The following WDR35 variants were observed in gnomAD, a reference collection of about 807,000 sequenced individuals.
WDR35 encodes the protein WD repeat domain 35, also known as WD repeat-containing protein 35.
A neutral mutation model predicts 158.3 loss-of-function variants in WDR35; 118 were observed. The ratio of observed to expected loss-of-function variants is 0.75; its 90% CI spans 0.64 to 0.87. The LOEUF (loss-of-function observed/expected upper bound fraction) is 0.87. Ranked by LOEUF, WDR35 falls within the 40% of genes least tolerant of loss-of-function variation. WDR35 has a pLI of 0.00. For missense variants in WDR35, 1,263 were observed against 1,405.8 expected (o/e 0.90, Z 1.62); for synonymous variants, 448 against 476.1 (o/e 0.94, Z 0.77).
chr2:19,944,129 A>C (rs532860505), intron 16 of WDR35, among the ~76,000 whole-genome samples: 1 of 152,222 alleles, frequency 6.6e-6, no homozygotes, highest in South Asian at 2.1e-4. Context: ...CAGAGTAGCT[A>C]AACCAGCTGC....
chr2:19,974,806 G>A (rs933383832), intron 6 of WDR35, among the ~76,000 whole-genome samples, 173 bp from the exon 7 acceptor site: 3 of 152,112 alleles, frequency 2.0e-5, no homozygotes, highest in Admixed American at 6.5e-5. Context: ...TCACCTAAAT[G>A]TCCATTTTCC....
chr2:19,968,690 G>A (rs1404800297), intron 9 of WDR35, among the ~76,000 whole-genome samples: 1 of 152,050 alleles, frequency 6.6e-6, no homozygotes, highest in African/African-American at 2.4e-5. Context: ...CCTAGAATCA[G>A]CCATTTCTCT....
At chr2:19,975,737 C>A in intron 5 of WDR35, 74 bp from the exon 6 acceptor site, 1 of 1,590,896 alleles carries the variant, frequency 6.3e-7, no homozygotes, top group Non-Finnish European at 8.6e-7. Context: ...CTTTGTTTTT[C>A]TAAAGATCTC....
chr2:19,948,625 C>T (rs1488272727), intron 13 of WDR35, among the ~76,000 whole-genome samples: 1 of 152,150 alleles, frequency 6.6e-6, no homozygotes, highest in African/African-American at 2.4e-5. Flanking sequence ...TGTAAGAAGG[C>T]ATTGCACTGC....
Position 19,963,194 on chromosome 2 carries a change from G to A in WDR35, c.1195-2580C>T, listed in dbSNP as rs78407611. Among the ~76,000 whole-genome samples, 20 of 152,062 alleles carry A rather than the reference G, an allele frequency of 1.3e-4. No individual in the cohort carries two copies. In the East Asian group the frequency reaches 2.9e-3, roughly 22 times the overall value. ...TCTCTATTTTTAATACCATTTTGTC[G>A]GATCAGAATTTAGGGTTCAGTATGT... is the stretch of plus-strand genomic sequence containing the variant. On this transcript the variant is annotated intron_variant, in intron 10 of 26. Coordinates refer to ENST00000281405, the MANE Select transcript of WDR35 (RefSeq NM_020779.4).
At chr2:19,959,657 T>G (rs1295788568) in intron 11 of WDR35, among the ~76,000 whole-genome samples, 1 of 151,972 alleles carries the variant, frequency 6.6e-6, no homozygotes, top group Non-Finnish European at 1.5e-5. Flanking sequence ...ACCCAAACAC[T>G]TAGCAATTTT....
At chr2:19,915,240 T>A (rs751399005) in intron 25 of WDR35, among the ~76,000 whole-genome samples, 8 of 152,196 alleles carry the variant, frequency 5.3e-5, no homozygotes, top group Non-Finnish European at 1.2e-4. Flanking sequence ...AATATATTCA[T>A]GTGTTTTACA....
chr2:19,922,245 T>C (rs1670192290), intron 25 of WDR35, among the ~76,000 whole-genome samples: 1 of 152,202 alleles, frequency 6.6e-6, no homozygotes, highest in African/African-American at 2.4e-5. Context: ...TTATAAATCA[T>C]TCTACTATAA....
intron 2 of WDR35, among the ~76,000 whole-genome samples, chr2:19,987,467 AAG>A (rs1273658422): frequency 6.6e-6 from 1 of 152,188 alleles, no homozygotes; most frequent in Non-Finnish European, 1.5e-5. Context: ...AGAGCAGAAA[AAG>A]AAGTTTGTTT....
Position 19,986,942 on chromosome 2 carries a change from T to C in WDR35, c.142+2223A>G, listed in dbSNP as rs1572373028. Among the ~76,000 whole-genome samples the C allele has an allele frequency of 3.3e-5, 5 of 152,232 alleles. No homozygotes were observed. The South Asian group carries it at 1.0e-3, about 31-fold the overall frequency. On this transcript the variant is annotated intron_variant, in intron 2 of 26. Transcript: ENST00000281405. ...GATTTATCGTAGAAAGTATTAACTATTTATGCAAAGATTTGGATACAAAGA... is the reference window on the plus strand; with the variant it reads ...GATTTATCGTAGAAAGTATTAACTACTTATGCAAAGATTTGGATACAAAGA...
Position 19,922,558 on chromosome 2 carries a change from G to C in WDR35, c.3121+7838C>G, listed in dbSNP as rs1296717844. Among the ~76,000 whole-genome samples the C allele has an allele frequency of 2.0e-5, 3 of 150,358 alleles. No individual in the cohort carries two copies. The East Asian group carries it at 5.9e-4, about 29-fold the overall frequency. On this transcript the variant is annotated intron_variant, in intron 25 of 26. Coordinates refer to ENST00000281405, the MANE Select transcript of WDR35 (RefSeq NM_020779.4). The stretch of plus-strand genomic sequence containing the variant: ...CACAGGGGCAGGAGATCACACACCG[G>C]GGCCTGTAGGGGGTGGGGGGCTGGG...
chr2:19,958,558 T>C (rs1043350204), intron 11 of WDR35, among the ~76,000 whole-genome samples: 2 of 152,218 alleles, frequency 1.3e-5, no homozygotes, highest in African/African-American at 4.8e-5. Flanking sequence ...TATATACTCA[T>C]TGATAGTTTG....
chr2:19,982,608 T>C (rs1315712756), intron 2 of WDR35, 74 bp from the exon 3 acceptor site: 3 of 1,473,312 alleles, frequency 2.0e-6, no homozygotes, highest in Admixed American at 1.8e-5. Context: ...ACTCTTTTTG[T>C]ATTCCTGGGC....
intron 11 of WDR35, among the ~76,000 whole-genome samples, chr2:19,958,127 C>G (rs1671508176): frequency 6.6e-6 from 1 of 152,182 alleles, no homozygotes; most frequent in Non-Finnish European, 1.5e-5. Flanking sequence ...ATCAAATTAA[C>G]TTTCTCTAAA....
intron 8 of WDR35, among the ~76,000 whole-genome samples, chr2:19,972,493 A>C (rs1352500368): frequency 6.6e-6 from 1 of 152,200 alleles, no homozygotes; most frequent in Non-Finnish European, 1.5e-5. Flanking sequence ...ATTAAGAAGG[A>C]GGCTATAAAT....
rs769412012 is a variant in WDR35, at chr2:19,914,199, C to A, written c.3200G>T (p.Ser1067Ile). 6.2e-7 allele frequency: 1 copy of A among 1,614,192 alleles called. No homozygotes were observed. The highest frequency in any genetic ancestry group is 1.1e-5 in the South Asian group (1 of 91,086). Reference protein sequence around the residue: ...YSLLALCACASRAFGTCSKAF... With the variant: ...YSLLALCACAIRAFGTCSKAF... Reference sequence around the variant, plus strand: ...TTTTGAACAAGTCCCAAAGGCTCTGCTGGCGCATGCGCAGAGTGCTAGCAG... The same window carrying A: ...TTTTGAACAAGTCCCAAAGGCTCTGATGGCGCATGCGCAGAGTGCTAGCAG... The change falls in exon 26 of 27, where the codon AGC (serine) becomes ATC (isoleucine). Residue 1067 changes from serine (S) to isoleucine (I), a missense_variant. Coordinates refer to ENST00000281405, the MANE Select transcript of WDR35 (RefSeq NM_020779.4).
At chr2:19,936,849 T>G (rs756056513) in intron 19 of WDR35, among the ~76,000 whole-genome samples, 1 of 152,200 alleles carries the variant, frequency 6.6e-6, no homozygotes, top group Non-Finnish European at 1.5e-5. Flanking sequence ...TTTCTGTTCT[T>G]TATAAATTAT....
At chr2:19,972,839 T>C (rs993687564) in intron 8 of WDR35, among the ~76,000 whole-genome samples, 2 of 152,086 alleles carry the variant, frequency 1.3e-5, no homozygotes, top group Non-Finnish European at 2.9e-5. Context: ...CAAAATATAG[T>C]ACTGGGTTAG....
chr2:19,986,621 G>A (rs1012313595), intron 2 of WDR35, among the ~76,000 whole-genome samples: 1 of 152,218 alleles, frequency 6.6e-6, no homozygotes, highest in African/African-American at 2.4e-5. Flanking sequence ...TGGTGAGGGA[G>A]AGAAAAGGAG....
Sources: gnomAD v4.1 joint callset for allele counts (sites outside exome capture counted in the v4.1 genomes callset) on GRCh38, gnomAD v4.1.1 for gene constraint, MANE v1.5 for transcripts, NCBI Gene and HGNC (gene_info 2026-07-23, HGNC 2026-07-21) for gene names.